The following PRKN variants were observed in gnomAD, a reference collection of about 807,000 sequenced individuals.
PRKN encodes the protein E3 ubiquitin-protein ligase parkin.
In PRKN, 56 loss-of-function variants were observed where a neutral mutation model predicts 59.5. That is an observed-to-expected ratio of 0.94 (90% CI 0.76 to 1.18). The LOEUF is 1.18. PRKN is among the 50% of genes most tolerant of loss of function. PRKN has a pLI of 0.00. For missense variants in PRKN, 657 were observed against 596.4 expected (o/e 1.10, Z -1.06); for synonymous variants, 250 against 222.1 (o/e 1.13, Z -1.12).
chr6:162,717,969 C>T (rs149928459), intron 1 of PRKN, among the ~76,000 whole-genome samples: 5 of 152,282 alleles, frequency 3.3e-5, no homozygotes, highest in Admixed American at 6.5e-5. Flanking sequence ...ATCTGAAAAA[C>T]ACAATCATAA....
At chr6:162,587,270 G>T (rs369785214) in intron 1 of PRKN, among the ~76,000 whole-genome samples, 3 of 152,136 alleles carry the variant, frequency 2.0e-5, no homozygotes, top group South Asian at 4.2e-4. Flanking sequence ...CAAGTAGCTG[G>T]GATTACAGGC....
Position 162,216,787 on chromosome 6 carries a change from G to A in PRKN, c.413-15535C>T, listed in dbSNP as rs556605114. Among the ~76,000 whole-genome samples, 9 of 152,150 alleles carry A rather than the reference G, an allele frequency of 5.9e-5. No homozygotes were observed. In the East Asian group the frequency reaches 1.5e-3, roughly 26 times the overall value. On this transcript the variant is annotated intron_variant, in intron 3 of 11. Transcript: ENST00000366898. Reference sequence around the variant, plus strand: ...CATCATGAGATGATGAGACCAAGTTGCATTACAATGATTTTGACAGCCAGC... The same window carrying A: ...CATCATGAGATGATGAGACCAAGTTACATTACAATGATTTTGACAGCCAGC...
At chr6:162,626,812 T>G (rs1782917825) in intron 1 of PRKN, among the ~76,000 whole-genome samples, 1 of 61,802 alleles carries the variant, frequency 1.6e-5, no homozygotes, top group African/African-American at 7.9e-5. Flanking sequence ...AGACTCTGTC[T>G]CCAAAAAAAA....
intron 6 of PRKN, among the ~76,000 whole-genome samples, chr6:161,944,112 A>G (rs1322995474): frequency 2.8e-5 from 4 of 143,112 alleles, no homozygotes; most frequent in Non-Finnish European, 4.6e-5. Flanking sequence ...CTGAGGAATC[A>G]GCCTGAGGGA....
At chr6:161,424,381 A>G (rs987764172) in intron 9 of PRKN, among the ~76,000 whole-genome samples, 1 of 151,706 alleles carries the variant, frequency 6.6e-6, no homozygotes, top group South Asian at 2.1e-4. Context: ...TTGAGCAAAC[A>G]GCAATCATGG....
intron 6 of PRKN, among the ~76,000 whole-genome samples, chr6:161,951,539 T>C (rs1779989505): frequency 6.6e-6 from 1 of 152,216 alleles, no homozygotes; most frequent in Admixed American, 6.5e-5. Flanking sequence ...TAATGTGGAA[T>C]AGACAAGCTC....
In PRKN at chr6:162,531,316, C is replaced by CA. The variant is rs1778504608; in HGVS notation, c.8-87844dup. 2.6e-5 allele frequency among the ~76,000 whole-genome samples: 4 copies of CA among 152,256 alleles called. 1 individual carries two copies. The South Asian group carries it at 8.3e-4, about 32-fold the overall frequency. ...GGGTTCACCTTGCTCGCTGCCTAGACAGAGCCGATTCATCACAACAGGGGA... is the reference window on the plus strand; with the variant it reads ...GGGTTCACCTTGCTCGCTGCCTAGACAAGAGCCGATTCATCACAACAGGGGA... On this transcript the variant is annotated intron_variant, in intron 1 of 11. Transcript: ENST00000366898.
chr6:162,038,756 G>A (rs1253297314), intron 5 of PRKN, among the ~76,000 whole-genome samples: 1 of 152,184 alleles, frequency 6.6e-6, no homozygotes, highest in Non-Finnish European at 1.5e-5. Context: ...ATAACCTCAG[G>A]TAGACATGAT....
At chr6:161,952,260 A>G (rs1780017812) in intron 6 of PRKN, among the ~76,000 whole-genome samples, 1 of 152,194 alleles carries the variant, frequency 6.6e-6, no homozygotes, top group South Asian at 2.1e-4. Context: ...TAGCCAAAAA[A>G]TGTTGTGAAA....
At chr6:162,050,324 G>C (rs551780050) in intron 5 of PRKN, among the ~76,000 whole-genome samples, 2 of 152,114 alleles carry the variant, frequency 1.3e-5, no homozygotes, top group Non-Finnish European at 2.9e-5. Context: ...GCCAGATTCT[G>C]TTCCTTTAAC....
rs1780138867 is a variant in PRKN at position 161,554,018 on chromosome 6, T to C, written c.934-5015A>G. Among the ~76,000 whole-genome samples, 1 of 152,248 alleles carries C rather than the reference T, an allele frequency of 6.6e-6. No homozygotes were observed. The highest frequency in any genetic ancestry group is 2.4e-5 in the African/African-American group (1 of 41,476). ...TAAATTGGGTGCTAGGCATGTTCAG[T>C]GCTCCTAAGTTAGTCATTGTTTCTA... On this transcript the variant is annotated intron_variant, in intron 8 of 11. Coordinates refer to ENST00000366898, the MANE Select transcript of PRKN (RefSeq NM_004562.3). This position sits in a 1 kb window ranked among gnomAD's most constrained non-coding sequence, Gnocchi z 4.5.
intron 6 of PRKN, among the ~76,000 whole-genome samples, chr6:161,869,938 T>A (rs1345740178): frequency 6.6e-6 from 1 of 152,210 alleles, no homozygotes; most frequent in Non-Finnish European, 1.5e-5. Flanking sequence ...TGGGTTGATT[T>A]CAGAAGATTT....
chr6:161,763,232 G>A (rs893151086), intron 7 of PRKN, among the ~76,000 whole-genome samples: 11 of 152,244 alleles, frequency 7.2e-5, no homozygotes, highest in Non-Finnish European at 1.2e-4. Context: ...CTTGTGAGCC[G>A]TGAGTTGGCA....
intron 6 of PRKN, among the ~76,000 whole-genome samples, chr6:161,917,396 G>A (rs563678145): frequency 6.6e-6 from 1 of 152,232 alleles, no homozygotes; most frequent in Non-Finnish European, 1.5e-5. Context: ...ATGAGCCACT[G>A]CACCCGGCCG....
At chr6:162,347,749 C>A (rs940338927) in intron 2 of PRKN, among the ~76,000 whole-genome samples, 2 of 152,072 alleles carry the variant, frequency 1.3e-5, no homozygotes, top group Non-Finnish European at 2.9e-5. Context: ...CTGAAATGAT[C>A]TATTTCTTCT....
chr6:162,173,914 A>G (rs1783408298), intron 4 of PRKN, among the ~76,000 whole-genome samples: 1 of 152,228 alleles, frequency 6.6e-6, no homozygotes, highest in African/African-American at 2.4e-5. Context: ...CGTCACGATC[A>G]GTCTATGAGA....
chr6:162,176,613 A>AG (rs397776261), intron 4 of PRKN, among the ~76,000 whole-genome samples: 1 of 152,038 alleles, frequency 6.6e-6, no homozygotes, highest in Non-Finnish European at 1.5e-5. Flanking sequence ...AACTAAAAAA[A>AG]TAGCAGATAC....
At chr6:162,006,683 C>T (rs1479817194) in intron 5 of PRKN, among the ~76,000 whole-genome samples, 1 of 152,154 alleles carries the variant, frequency 6.6e-6, no homozygotes, top group Non-Finnish European at 1.5e-5. Context: ...AGCTCTGCCC[C>T]CTGGTCCTTT....
chr6:161,699,837 G>C (rs569965463), intron 7 of PRKN, among the ~76,000 whole-genome samples: 1 of 152,282 alleles, frequency 6.6e-6, no homozygotes, highest in Non-Finnish European at 1.5e-5. Context: ...ACATGTATCA[G>C]ACTGTACACT....
Sources: gnomAD v4.1 joint callset for allele counts (sites outside exome capture counted in the v4.1 genomes callset) on GRCh38, gnomAD v4.1.1 for gene constraint, Gnocchi (gnomAD v3.1) non-coding constraint, MANE v1.5 for transcripts, NCBI Gene and HGNC (gene_info 2026-07-23, HGNC 2026-07-21) for gene names.